Variants in TACC1 observed in about 807,000 individuals in gnomAD.
TACC1 encodes transforming acidic coiled-coil-containing protein 1.
A neutral mutation model predicts 84.4 loss-of-function variants in TACC1; 48 were observed. That is an observed-to-expected ratio of 0.57 (90% confidence interval 0.45 to 0.72). TACC1 has a LOEUF of 0.72. Ranked by LOEUF, TACC1 falls within the 30% of genes least tolerant of loss-of-function variation. The pLI, the probability that TACC1 is intolerant of heterozygous loss-of-function variation, is 0.00. For missense variants in TACC1, 920 were observed against 973.0 expected (o/e 0.95, Z 0.72); for synonymous variants, 372 against 376.3 (o/e 0.99, Z 0.13).
chr8:38,811,239 ATGGCCCC>A (rs1824051587), intron 2 of TACC1, among the ~76,000 whole-genome samples: 1 of 29,128 alleles, frequency 3.4e-5, no homozygotes, highest in Non-Finnish European at 6.1e-5. Context: ...GGCTAAACCC[ATGGCCCC>A]ACTCCAACTA....
intron 6 of TACC1, among the ~76,000 whole-genome samples, chr8:38,832,641 A>G (rs1396603297): frequency 6.6e-6 from 1 of 152,212 alleles, no homozygotes; most frequent in African/African-American, 2.4e-5. Flanking sequence ...CCAGAGTACA[A>G]TCAGTGGTAG....
intron 2 of TACC1, among the ~76,000 whole-genome samples, chr8:38,797,615 CTCT>C (rs1239262291): frequency 6.6e-6 from 1 of 152,216 alleles, no homozygotes; most frequent in Non-Finnish European, 1.5e-5. Context: ...ACATTCCTCC[CTCT>C]TCTTCTTTAT....
rs151045717 is a variant in TACC1 at position 38,791,444 on chromosome 8, A to G, written c.277+2625A>G. Among the ~76,000 whole-genome samples, 65 of 152,274 alleles carry G rather than the reference A, an allele frequency of 4.3e-4. No homozygotes were observed. The East Asian group carries it at 0.012, about 27-fold the overall frequency. On this transcript the variant is annotated intron_variant, in intron 2 of 12. Coordinates refer to ENST00000317827, the MANE Select transcript of TACC1 (RefSeq NM_006283.3). ...GATGATTGCTCATCAACCTGGTCGT[A>G]CCCTGACTTCCAGGGTCCTTGGGTG...
At position 38,787,537 on chromosome 8, in the gene TACC1, A is replaced by T; in HGVS notation, c.-46A>T. ...TTTGAAAGGGAAAAAGGCTCTCCCC[A>T]CCCATTCCCCTGCCCCTAGGAGCTG... On this transcript the variant is annotated 5_prime_UTR_variant, in exon 1 of 13. Transcript: ENST00000317827. 6.7e-7 allele frequency: 1 copy of T among 1,488,710 alleles called. No individual in the cohort carries two copies. Among genetic ancestry groups the T allele is most frequent in the Non-Finnish European group, 8.9e-7 (1 of 1,123,656 alleles). The allele number at this position is 1,488,710 out of a possible 1,614,324, so 92.2% of individuals were successfully genotyped here.
At chr8:38,830,190 G>T (rs1286897084) in intron 5 of TACC1, among the ~76,000 whole-genome samples, 1 of 152,180 alleles carries the variant, frequency 6.6e-6, no homozygotes, top group East Asian at 1.9e-4. Context: ...ATTGCCATGT[G>T]GAGGATTGTA....
chr8:38,736,956 C>T (rs960144569), intron 1 of TACC1, among the ~76,000 whole-genome samples: 2 of 152,036 alleles, frequency 1.3e-5, no homozygotes, highest in Admixed American at 6.5e-5. Flanking sequence ...CATAGTGGGC[C>T]GCGATGAGGA....
At chr8:38,763,119 G>T (rs1337877654) in intron 3 of TACC1, among the ~76,000 whole-genome samples, 1 of 152,094 alleles carries the variant, frequency 6.6e-6, no homozygotes, top group Admixed American at 6.6e-5. Flanking sequence ...GCATCCCAAT[G>T]GGTGCGAAGT....
intron 3 of TACC1, among the ~76,000 whole-genome samples, chr8:38,768,887 C>T (rs150479476): frequency 1.6e-5 from 2 of 123,820 alleles, no homozygotes; most frequent in Admixed American, 8.0e-5. Flanking sequence ...GTAAGACTGT[C>T]GGGGGAGGTG....
Position 38,819,737 on chromosome 8 carries a change from G to T in TACC1, c.493G>T (p.Val165Phe). 6.2e-7 allele frequency: 1 copy of T among 1,614,138 alleles called. No individual in the cohort carries two copies. Among genetic ancestry groups the T allele is most frequent in the Middle Eastern group, 1.6e-4 (1 of 6,062 alleles). Reference protein sequence around the residue: ...ETKDSTDISAVLGTKAAHGCV... With the variant: ...ETKDSTDISAFLGTKAAHGCV... ...GAAGGATTCCACGGATATCTCGGCAGTCCTCGGAACAAAAGCAGCTCATGG... is the reference window on the plus strand; with the variant it reads ...GAAGGATTCCACGGATATCTCGGCATTCCTCGGAACAAAAGCAGCTCATGG... Residue 165 changes from valine (V) to phenylalanine (F), a missense_variant, in exon 3 of 13, where the codon GTC (valine) becomes TTC (phenylalanine). Transcript: ENST00000317827.
At chr8:38,734,292 A>G (rs766232873) in intron 1 of TACC1, among the ~76,000 whole-genome samples, 48 of 152,254 alleles carry the variant, frequency 3.2e-4, no homozygotes, top group Non-Finnish European at 5.9e-4. Flanking sequence ...TCACAGGTTC[A>G]AGCGATTCTC....
chr8:38,785,023 C>T (rs1355322510), upstream of TACC1, among the ~76,000 whole-genome samples: 1 of 149,274 alleles, frequency 6.7e-6, no homozygotes, highest in East Asian at 2.0e-4. Context: ...TATGGATGTT[C>T]GGGGTATAGA....
chr8:38,802,761 G>A (rs1016827319), intron 2 of TACC1, among the ~76,000 whole-genome samples: 3 of 152,136 alleles, frequency 2.0e-5, no homozygotes, highest in African/African-American at 7.2e-5. Flanking sequence ...GGTGAGAGAC[G>A]AGAAGGAGAA....
chr8:38,751,331 A>G (rs1809001005), intron 3 of TACC1, among the ~76,000 whole-genome samples: 1 of 152,250 alleles, frequency 6.6e-6, no homozygotes. Flanking sequence ...GGATTAAGGC[A>G]GTAAAGTATA....
intron 6 of TACC1, 88 bp downstream of exon 6, chr8:38,831,265 C>A: frequency 7.6e-7 from 1 of 1,315,488 alleles, no homozygotes; most frequent in South Asian, 1.2e-5. Context: ...AAATTCTGGT[C>A]AGTGTTAGGT....
At chr8:38,842,793 G>A (rs1318896969) in intron 10 of TACC1, among the ~76,000 whole-genome samples, 1 of 152,202 alleles carries the variant, frequency 6.6e-6, no homozygotes, top group Non-Finnish European at 1.5e-5. Flanking sequence ...CACCTTTTCA[G>A]TTTTAGTAAA....
intron 3 of TACC1, among the ~76,000 whole-genome samples, chr8:38,756,024 A>G (rs968160695): frequency 6.6e-6 from 1 of 151,936 alleles, no homozygotes; most frequent in African/African-American, 2.4e-5. Context: ...CATGTTAGTC[A>G]GGCTGGTCTC....
intron 3 of TACC1, among the ~76,000 whole-genome samples, chr8:38,760,869 C>A (rs1811077515): frequency 6.6e-6 from 1 of 152,134 alleles, no homozygotes; most frequent in Admixed American, 6.5e-5. Flanking sequence ...CAATGGCCAG[C>A]ACTTAGTGAG....
chr8:38,838,782 A>G (rs553200658), intron 8 of TACC1, among the ~76,000 whole-genome samples: 1 of 152,362 alleles, frequency 6.6e-6, no homozygotes, highest in Admixed American at 6.5e-5. Flanking sequence ...TAACATGTAA[A>G]CAGAACCCAC....
At chr8:38,755,737 CAACAACAACAACAACA>C (rs765265474) in intron 3 of TACC1, among the ~76,000 whole-genome samples, 29,260 of 145,468 alleles carry the variant, frequency 0.2, 3,329 homozygotes, top group Non-Finnish European at 0.26. Flanking sequence ...ACAACAACAA[CAACAACAACAACAACA>C]GAGTGTTCCT....
Sources: allele counts gnomAD v4.1 joint callset (sites outside exome capture counted in the v4.1 genomes callset), GRCh38; gene constraint gnomAD v4.1.1; transcripts MANE v1.5; gene names NCBI Gene and HGNC (gene_info 2026-07-23, HGNC 2026-07-21).